MYRIP: variants seen among roughly 807,000 people sequenced by gnomAD.
MYRIP encodes myosin VIIA and Rab interacting protein.
MYRIP carries 49 observed loss-of-function variants against 98.0 expected under a neutral mutation model. The observed-to-expected ratio is 0.50, with a 90% CI of 0.40 to 0.63. The LOEUF (loss-of-function observed/expected upper bound fraction) is 0.63, where lower values mean the gene tolerates loss of function less well. Among genes scored for constraint, MYRIP ranks in the 30% least tolerant of loss-of-function variants. The probability of loss-of-function intolerance (pLI) is 0.00; values close to 1 mark genes in which losing one functional copy is unlikely to be tolerated. For missense variants in MYRIP, 1,004 were observed against 1,058.2 expected, an observed-to-expected ratio of 0.95 and a Z score of 0.71; for synonymous variants, 404 against 409.5, an observed-to-expected ratio of 0.99 and a Z score of 0.16.
chr3:39,872,262 T>G lies in MYRIP; in HGVS notation c.-30-28525T>G, dbSNP rs540216600. 5.3e-5 allele frequency among the ~76,000 whole-genome samples: 8 copies of G among 152,180 alleles called. No individual in the cohort carries two copies. In the South Asian group the frequency reaches 1.4e-3, roughly 28 times the overall value. On this transcript the variant is annotated intron_variant, in intron 1 of 16. Coordinates refer to ENST00000302541, the MANE Select transcript of MYRIP (RefSeq NM_015460.4). ...CTCTATACGCTTTCGGTCTGATTTTTCTTTCTTTCTTTTTTTTAAAGATCA... is the reference window on the plus strand; with the variant it reads ...CTCTATACGCTTTCGGTCTGATTTTGCTTTCTTTCTTTTTTTTAAAGATCA...
At position 40,129,440 on chromosome 3, in the gene MYRIP, CAAAAAAAAAAAAAA is replaced by C. The variant is rs386396419; in HGVS notation, c.333-21585_333-21572del. On this transcript the variant is annotated intron_variant, in intron 3 of 16. Coordinates refer to ENST00000302541, the MANE Select transcript of MYRIP (RefSeq NM_015460.4). The stretch of plus-strand genomic sequence containing the variant: ...TGGGCGACAGAGTGAGACTCTGTCT[CAAAAAAAAAAAAAA>C]AAAAAAAAAAAAAAAAAAAAAATCA... Among the ~76,000 whole-genome samples, 271 of 29,360 alleles carry C rather than the reference CAAAAAAAAAAAAAA, an allele frequency of 9.2e-3. 2 individuals are homozygous for C. The highest frequency in any genetic ancestry group is 0.026 in the South Asian group (14 of 534). The allele number at this position is 29,360 out of a possible 152,430, so 19.3% of individuals were successfully genotyped here.
At chr3:40,064,707 C>G (rs568061656) in intron 3 of MYRIP, among the ~76,000 whole-genome samples, 15 of 152,312 alleles carry the variant, frequency 9.8e-5, no homozygotes, top group African/African-American at 3.6e-4. Flanking sequence ...GTTCTCCTGA[C>G]TTCATTAGCA....
chr3:40,205,945 A>G (rs1951780914), intron 10 of MYRIP, among the ~76,000 whole-genome samples: 1 of 151,926 alleles, frequency 6.6e-6, no homozygotes, highest in Non-Finnish European at 1.5e-5. Flanking sequence ...ATCAACACGT[A>G]CCCCTCTATT....
At chr3:40,096,755 C>T (rs1286696797) in intron 3 of MYRIP, among the ~76,000 whole-genome samples, 1 of 152,138 alleles carries the variant, frequency 6.6e-6, no homozygotes, top group Non-Finnish European at 1.5e-5. Flanking sequence ...GGGCTGAGAG[C>T]GTGGATCACA....
rs150472228 is a variant in MYRIP at position 39,961,478 on chromosome 3, G to C, written c.110+60552G>C. Among the ~76,000 whole-genome samples the C allele has an allele frequency of 1.9e-3, 288 of 152,256 alleles. 1 individual carries two copies. Among genetic ancestry groups the C allele is most frequent in the Non-Finnish European group, 3.4e-3 (233 of 68,016 alleles). On this transcript the variant is annotated intron_variant, in intron 2 of 16. Transcript: ENST00000302541. Reference sequence around the variant, plus strand: ...GTTACTCTAAACTGAATCACTTGCAGTTCCCACGATTTGCGAGTCCCATTT... The same window carrying C: ...GTTACTCTAAACTGAATCACTTGCACTTCCCACGATTTGCGAGTCCCATTT...
At chr3:39,974,637 G>A (rs1391401951) in intron 2 of MYRIP, among the ~76,000 whole-genome samples, 1 of 152,176 alleles carries the variant, frequency 6.6e-6, no homozygotes, top group Non-Finnish European at 1.5e-5. Context: ...GAACATCGAT[G>A]CTAAAATCCT....
chr3:39,948,416 A>G (rs1182048842), intron 2 of MYRIP, among the ~76,000 whole-genome samples: 4 of 152,212 alleles, frequency 2.6e-5, no homozygotes, highest in African/African-American at 9.6e-5. Flanking sequence ...CAACAGCTAC[A>G]GAGTAATAAG....
chr3:39,949,962 G>A (rs1315771904), intron 2 of MYRIP, among the ~76,000 whole-genome samples: 2 of 152,110 alleles, frequency 1.3e-5, no homozygotes, highest in Admixed American at 6.6e-5. Context: ...CTGTTATCTA[G>A]CATTATACCA....
intron 10 of MYRIP, among the ~76,000 whole-genome samples, chr3:40,194,038 T>C (rs1035380254): frequency 1.1e-4 from 17 of 152,210 alleles, no homozygotes; most frequent in African/African-American, 4.1e-4. Context: ...GCCCTAAGTA[T>C]ATTTTACATA....
chr3:40,210,797 C>T (rs1951907874), intron 11 of MYRIP, among the ~76,000 whole-genome samples: 1 of 152,156 alleles, frequency 6.6e-6, no homozygotes, highest in Admixed American at 6.5e-5. Context: ...AAGATAAACT[C>T]AACCTCTGGC....
intron 3 of MYRIP, among the ~76,000 whole-genome samples, chr3:40,142,232 T>C (rs1190602092): frequency 6.6e-6 from 1 of 151,846 alleles, no homozygotes; most frequent in African/African-American, 2.4e-5. Flanking sequence ...TTGTATTTTT[T>C]AGTAGAGACG....
intron 2 of MYRIP, among the ~76,000 whole-genome samples, chr3:39,932,292 G>A: frequency 6.6e-6 from 1 of 152,112 alleles, no homozygotes; most frequent in East Asian, 1.9e-4. Context: ...TCATAGAAAA[G>A]AACAGGAGTT....
chr3:40,222,853 T>C (rs1288886764), intron 11 of MYRIP, among the ~76,000 whole-genome samples: 1 of 152,222 alleles, frequency 6.6e-6, no homozygotes, highest in Non-Finnish European at 1.5e-5. Flanking sequence ...AAGAAAATAT[T>C]CCTACCAGAT....
intron 2 of MYRIP, among the ~76,000 whole-genome samples, chr3:39,979,383 A>G (rs1377994758): frequency 6.6e-6 from 1 of 152,154 alleles, no homozygotes; most frequent in African/African-American, 2.4e-5. Context: ...TCATGCCTGT[A>G]ATCCCAGCAC....
intron 3 of MYRIP, among the ~76,000 whole-genome samples, chr3:40,113,431 C>T (rs1445115747): frequency 1.3e-5 from 2 of 152,162 alleles, no homozygotes; most frequent in Non-Finnish European, 2.9e-5. Flanking sequence ...AGGCATGAGC[C>T]ACCATGCCCA....
At chr3:40,215,177 G>A (rs1952078559) in intron 11 of MYRIP, among the ~76,000 whole-genome samples, 1 of 151,972 alleles carries the variant, frequency 6.6e-6, no homozygotes, top group Non-Finnish European at 1.5e-5. Flanking sequence ...TTTATTAAGA[G>A]TCTTTGTTTA....
intron 1 of MYRIP, among the ~76,000 whole-genome samples, chr3:39,882,981 T>A (rs1943192585): frequency 6.6e-6 from 1 of 151,564 alleles, no homozygotes; most frequent in African/African-American, 2.4e-5. Context: ...AAATAAAAAA[T>A]ATGTCTCTTT....
chr3:40,225,216 T>C (rs1952455031), intron 11 of MYRIP, among the ~76,000 whole-genome samples: 1 of 152,120 alleles, frequency 6.6e-6, no homozygotes, highest in South Asian at 2.1e-4. Flanking sequence ...GAACAGGTTT[T>C]CTTATAGAGC....
chr3:40,083,792 A>C (rs1209722786), intron 3 of MYRIP, among the ~76,000 whole-genome samples: 1 of 152,140 alleles, frequency 6.6e-6, no homozygotes, highest in Non-Finnish European at 1.5e-5. Context: ...AAGCATGGTC[A>C]ACTGTGAATT....
Sources: allele counts gnomAD v4.1 joint callset (sites outside exome capture counted in the v4.1 genomes callset), GRCh38; gene constraint gnomAD v4.1.1; transcripts MANE v1.5; gene names NCBI Gene and HGNC (gene_info 2026-07-23, HGNC 2026-07-21).